LRRC37A2: variants seen among roughly 807,000 people sequenced by gnomAD.
LRRC37A2 encodes the protein leucine rich repeat containing 37 member A2, also known as leucine-rich repeat-containing protein 37A2.
LRRC37A2 carries 9 observed loss-of-function variants against 68.8 expected under a neutral mutation model. The observed-to-expected ratio is 0.13, with a 90% CI of 0.08 to 0.23. The LOEUF is 0.23. Among genes scored for constraint, LRRC37A2 ranks in the 10% least tolerant of loss-of-function variants. LRRC37A2 has a pLI of 1.00. For synonymous variants in LRRC37A2, 63 were observed against 367.6 expected (o/e 0.17, Z 9.48); for missense variants, 168 against 950.4 (o/e 0.18, Z 10.82).
the LRRC37A2 span, among the ~76,000 whole-genome samples, chr17:46,726,388 T>A: frequency 1.3e-5 from 2 of 152,234 alleles, no homozygotes; most frequent in East Asian, 1.9e-4. Flanking sequence ...CTGCTCTCTG[T>A]TCAGCGGTGA....
At chr17:47,022,635 TTTG>T in the LRRC37A2 span, among the ~76,000 whole-genome samples, 3 of 152,168 alleles carry the variant, frequency 2.0e-5, no homozygotes, top group African/African-American at 7.2e-5. Context: ...GCAAAATAGA[TTTG>T]TTTTGTGGTT....
the LRRC37A2 span, among the ~76,000 whole-genome samples, chr17:46,855,941 A>G: frequency 0.3 from 45,760 of 152,122 alleles, 9,075 homozygotes; most frequent in East Asian, 0.83. Flanking sequence ...CACCCACCTC[A>G]GCCTCCCAAA....
the LRRC37A2 span, among the ~76,000 whole-genome samples, chr17:47,003,463 G>C: frequency 1.3e-5 from 2 of 152,228 alleles, no homozygotes; most frequent in Non-Finnish European, 2.9e-5. Context: ...AGGTTTGTTT[G>C]GCTCTGAAGC....
the LRRC37A2 span, among the ~76,000 whole-genome samples, chr17:46,953,618 G>T: frequency 6.6e-6 from 1 of 152,124 alleles, no homozygotes; most frequent in African/African-American, 2.4e-5. Flanking sequence ...CTGAGGAATC[G>T]CCACACTGAC....
chr17:46,724,238 A>T, the LRRC37A2 span, among the ~76,000 whole-genome samples: 5 of 152,238 alleles, frequency 3.3e-5, no homozygotes, highest in African/African-American at 1.2e-4. Flanking sequence ...CCCTAAGTCC[A>T]TTTAAGAGTC....
the LRRC37A2 span, among the ~76,000 whole-genome samples, chr17:46,959,838 A>G: frequency 6.6e-6 from 1 of 152,158 alleles, no homozygotes. Context: ...CATTCTTCCC[A>G]CCACTGGAGC....
At chr17:46,896,782 C>G in the LRRC37A2 span, among the ~76,000 whole-genome samples, 2 of 152,206 alleles carry the variant, frequency 1.3e-5, no homozygotes, top group Admixed American at 1.3e-4. Context: ...TTGCCACTCA[C>G]TGTCCCCTAT....
At chr17:46,833,730 G>T in the LRRC37A2 span, among the ~76,000 whole-genome samples, 1 of 152,180 alleles carries the variant, frequency 6.6e-6, no homozygotes, top group East Asian at 1.9e-4. Context: ...GTGAGTGAGC[G>T]TCCTGGAAAA....
the LRRC37A2 span, among the ~76,000 whole-genome samples, chr17:46,381,787 G>T: frequency 2.0e-5 from 2 of 101,292 alleles, no homozygotes; most frequent in African/African-American, 6.8e-5. Context: ...TTTTTTTATA[G>T]TGAAAACTAA....
chr17:46,959,910 G>A, the LRRC37A2 span, among the ~76,000 whole-genome samples: 8 of 152,136 alleles, frequency 5.3e-5, no homozygotes, highest in Non-Finnish European at 1.2e-4. Flanking sequence ...CTCCTCTAAA[G>A]GAATTCAGGC....
the LRRC37A2 span, among the ~76,000 whole-genome samples, chr17:47,001,293 C>T: frequency 6.6e-6 from 1 of 152,142 alleles, no homozygotes; most frequent in Admixed American, 6.6e-5. Context: ...ACTTCCTGTA[C>T]CTGAGTCGCT....
chr17:46,856,488 CT>C, the LRRC37A2 span, among the ~76,000 whole-genome samples: 3,751 of 142,844 alleles, frequency 0.026, 120 homozygotes, highest in African/African-American at 0.085. Context: ...CTTTTTCTTT[CT>C]TTTTTTTTTT....
chr17:46,940,381 G>A, the LRRC37A2 span: 3 of 1,528,306 alleles, frequency 2.0e-6, no homozygotes, highest in Non-Finnish European at 2.6e-6. Flanking sequence ...TGACTGGAGG[G>A]TGGACTGGGG....
At chr17:46,720,508 G>A in the LRRC37A2 span, among the ~76,000 whole-genome samples, 2 of 152,152 alleles carry the variant, frequency 1.3e-5, no homozygotes, top group Admixed American at 6.5e-5. Context: ...CAAAAGTTTA[G>A]GTCCACTTCC....
the LRRC37A2 span, among the ~76,000 whole-genome samples, chr17:46,958,830 C>T: frequency 1.3e-5 from 2 of 152,206 alleles, no homozygotes; most frequent in Admixed American, 6.5e-5. Context: ...GTTAGGAGAA[C>T]GGAGCTCTAG....
the LRRC37A2 span, among the ~76,000 whole-genome samples, chr17:46,458,830 C>T: frequency 2.8e-5 from 3 of 108,696 alleles, no homozygotes; most frequent in Admixed American, 9.1e-5. Context: ...CGTGACCCAC[C>T]GTGCCCGGCC....
At chr17:46,745,166 A>G in the LRRC37A2 span, among the ~76,000 whole-genome samples, 1 of 152,190 alleles carries the variant, frequency 6.6e-6, no homozygotes, top group Admixed American at 6.5e-5. Flanking sequence ...TTAAAGCTGC[A>G]TCCCCATTTC....
chr17:46,731,501 A>T, the LRRC37A2 span, among the ~76,000 whole-genome samples: 4 of 152,222 alleles, frequency 2.6e-5, no homozygotes, highest in Non-Finnish European at 5.9e-5. Flanking sequence ...TGTGAACCAT[A>T]TCTCAAGCGA....
At chr17:46,839,969 T>TC in the LRRC37A2 span, among the ~76,000 whole-genome samples, 122 of 141,818 alleles carry the variant, frequency 8.6e-4, no homozygotes, top group African/African-American at 2.9e-3. Flanking sequence ...TCTTTCTTTC[T>TC]TTCTTTCTCT....
Sources: gnomAD v4.1 joint callset for allele counts (sites outside exome capture counted in the v4.1 genomes callset) on GRCh38, gnomAD v4.1.1 for gene constraint, MANE v1.5 for transcripts, NCBI Gene and HGNC (gene_info 2026-07-23, HGNC 2026-07-21) for gene names.